THSD7B: variants seen among roughly 807,000 people sequenced by gnomAD.
THSD7B encodes the protein thrombospondin type 1 domain containing 7B.
In THSD7B, 138 loss-of-function variants were observed where a neutral mutation model predicts 213.6. The ratio of observed to expected loss-of-function variants is 0.65; its 90% CI spans 0.56 to 0.74. The LOEUF (loss-of-function observed/expected upper bound fraction) is 0.74, where lower values mean the gene tolerates loss of function less well. THSD7B is among the 30% of genes least tolerant of loss of function. The pLI is 0.00. For synonymous variants in THSD7B, 742 were observed against 687.0 expected (o/e 1.08, Z -1.25); for missense variants, 1,931 against 1,991.5 (o/e 0.97, Z 0.58).
chr2:137,245,023 A>T (rs893226686), intron 10 of THSD7B, among the ~76,000 whole-genome samples: 4 of 152,112 alleles, frequency 2.6e-5, no homozygotes, highest in South Asian at 4.1e-4. Context: ...AGAAATTTTC[A>T]GTTGTAAGAA....
At chr2:136,777,145 A>G (rs1468266876) in intron 1 of THSD7B, among the ~76,000 whole-genome samples, 1 of 152,180 alleles carries the variant, frequency 6.6e-6, no homozygotes, top group Non-Finnish European at 1.5e-5. Flanking sequence ...ACACAATCAG[A>G]TTATGCATTC....
intron 20 of THSD7B, among the ~76,000 whole-genome samples, chr2:137,629,034 T>C (rs79214063): frequency 0.021 from 3,255 of 152,322 alleles, 70 homozygotes; most frequent in South Asian, 0.067. Context: ...AGTGACCCTG[T>C]TTGTATTCTT....
intron 27 of THSD7B, among the ~76,000 whole-genome samples, chr2:137,670,882 C>T (rs1242466332): frequency 1.5e-5 from 2 of 135,068 alleles, no homozygotes. Flanking sequence ...GATTGCGCCA[C>T]TGCACTGCAG....
intron 15 of THSD7B, among the ~76,000 whole-genome samples, chr2:137,557,803 T>C (rs1188857909): frequency 6.6e-6 from 1 of 151,998 alleles, no homozygotes; most frequent in Non-Finnish European, 1.5e-5. Context: ...ATCAACAAAA[T>C]TGATAGACCA....
intron 2 of THSD7B, among the ~76,000 whole-genome samples, chr2:136,927,388 G>A (rs1038601347): frequency 5.3e-5 from 8 of 152,136 alleles, no homozygotes; most frequent in African/African-American, 1.9e-4. Flanking sequence ...TTAAGAAATG[G>A]TTTGAATTCC....
intron 20 of THSD7B, among the ~76,000 whole-genome samples, chr2:137,623,307 T>A (rs1307291303): frequency 1.3e-5 from 2 of 152,146 alleles, no homozygotes; most frequent in Non-Finnish European, 2.9e-5. Context: ...CTCAATAAAC[T>A]AGGTATTGAT....
chr2:137,192,059 G>A (rs1680670040), intron 7 of THSD7B, among the ~76,000 whole-genome samples: 1 of 152,046 alleles, frequency 6.6e-6, no homozygotes, highest in Admixed American at 6.6e-5. Flanking sequence ...GGAATTGCTG[G>A]TGTTATCATT....
intron 1 of THSD7B, among the ~76,000 whole-genome samples, chr2:136,774,721 T>C (rs1445371111): frequency 1.3e-5 from 2 of 152,100 alleles, no homozygotes; most frequent in Non-Finnish European, 2.9e-5. Flanking sequence ...AGAACTACCT[T>C]GTGGAGACAG....
chr2:137,618,189 A>C (rs1334260822), intron 18 of THSD7B, among the ~76,000 whole-genome samples: 1 of 152,190 alleles, frequency 6.6e-6, no homozygotes, highest in Admixed American at 6.5e-5. Flanking sequence ...AAATTTAAGT[A>C]GGTAACTCAC....
At chr2:137,494,007 G>C (rs936047297) in intron 15 of THSD7B, among the ~76,000 whole-genome samples, 1 of 152,092 alleles carries the variant, frequency 6.6e-6, no homozygotes, top group Non-Finnish European at 1.5e-5. Flanking sequence ...AATTTTACTA[G>C]TAAATAAATT....
rs535626309 is a variant in THSD7B, at chr2:136,878,760, GTTGT to G, written c.-35-3377_-35-3374del. On this transcript the variant is annotated intron_variant, in intron 1 of 27. Transcript: ENST00000409968. ...TAGACTTCGCCCACTTGTTAATGGGGTTGTTTGTTTTTTTCTTGTAAATTTGTTT... is the reference window on the plus strand; with the variant it reads ...TAGACTTCGCCCACTTGTTAATGGGGTTGTTTTTTTCTTGTAAATTTGTTT... 4.1e-3 allele frequency among the ~76,000 whole-genome samples: 627 copies of G among 152,268 alleles called. 3 individuals carry two copies. Among genetic ancestry groups the G allele is most frequent in the African/African-American group, 0.014 (592 of 41,556 alleles).
In THSD7B at chr2:136,902,575, G is replaced by C. The variant is rs1256875799; in HGVS notation, c.139+20258G>C. ...TTCACTTTCTTCTTCCACATGCGCC[G>C]AGGATAGGGGTCCAGAGCCTGCCAT... On this transcript the variant is annotated intron_variant, in intron 2 of 27. Coordinates refer to ENST00000409968, the MANE Select transcript of THSD7B (RefSeq NM_001316349.2). Among the ~76,000 whole-genome samples the C allele has an allele frequency of 3.3e-5, 5 of 152,320 alleles. No homozygotes were observed. The East Asian group carries it at 9.7e-4, about 29-fold the overall frequency.
chr2:137,535,059 G>A (rs1680475895), intron 15 of THSD7B, among the ~76,000 whole-genome samples: 1 of 151,608 alleles, frequency 6.6e-6, no homozygotes, highest in Admixed American at 6.6e-5. Flanking sequence ...TTAACTTGAT[G>A]GTCTTATGGT....
Position 137,402,120 on chromosome 2 carries a change from T to C in THSD7B, c.2501-3493T>C, listed in dbSNP as rs1574008788. ...AATTAATAGCATTTATCAAGCTCTT[T>C]AGTGTGAGACATTGTCTTAAGAATT... On this transcript the variant is annotated intron_variant, in intron 12 of 27. Coordinates refer to ENST00000409968, the MANE Select transcript of THSD7B (RefSeq NM_001316349.2). Among the ~76,000 whole-genome samples the C allele has an allele frequency of 2.0e-5, 3 of 152,204 alleles. No individual in the cohort carries two copies. The East Asian group carries it at 5.8e-4, about 29-fold the overall frequency.
intron 2 of THSD7B, among the ~76,000 whole-genome samples, chr2:136,979,564 A>G (rs1205912019): frequency 2.6e-5 from 4 of 151,910 alleles, no homozygotes; most frequent in Non-Finnish European, 4.4e-5. Context: ...CACTTGATCT[A>G]TTTGGTTACT....
chr2:137,640,855 A>C (rs373432229), intron 20 of THSD7B, among the ~76,000 whole-genome samples: 1 of 152,248 alleles, frequency 6.6e-6, no homozygotes, highest in African/African-American at 2.4e-5. Context: ...AATGTCTGTG[A>C]AGTACCATGT....
chr2:136,823,680 T>A (rs1168368503), intron 1 of THSD7B, among the ~76,000 whole-genome samples: 1 of 152,228 alleles, frequency 6.6e-6, no homozygotes, highest in Non-Finnish European at 1.5e-5. Context: ...GCACTTTCTT[T>A]TCTAAAGTTC....
At chr2:137,306,322 A>G (rs943022117) in intron 12 of THSD7B, among the ~76,000 whole-genome samples, 5 of 152,152 alleles carry the variant, frequency 3.3e-5, no homozygotes, top group East Asian at 1.9e-4. Flanking sequence ...GCACATGACT[A>G]TATACAAGTA....
intron 7 of THSD7B, among the ~76,000 whole-genome samples, chr2:137,217,925 T>C (rs1681285188): frequency 6.6e-6 from 1 of 152,116 alleles, no homozygotes; most frequent in Admixed American, 6.5e-5. Context: ...TTGTTATGTC[T>C]CAGGAAAAAA....
Sources: allele counts gnomAD v4.1 joint callset (sites outside exome capture counted in the v4.1 genomes callset), GRCh38; gene constraint gnomAD v4.1.1; transcripts MANE v1.5; gene names NCBI Gene and HGNC (gene_info 2026-07-23, HGNC 2026-07-21).